Variants in NSD3 observed in about 807,000 individuals in gnomAD.
NSD3 encodes the protein histone-lysine N-methyltransferase NSD3.
NSD3 carries 24 observed loss-of-function variants against 160.8 expected under a neutral mutation model. That is an observed-to-expected ratio of 0.15 (90% CI 0.11 to 0.21). The LOEUF is 0.21. Ranked by LOEUF, NSD3 falls within the 10% of genes least tolerant of loss-of-function variation. NSD3 has a pLI of 1.00. For synonymous variants in NSD3, 520 were observed against 600.0 expected (o/e 0.87, Z 1.95); for missense variants, 1,157 against 1,735.9 (o/e 0.67, Z 5.93).
chr8:38,305,962 GCTGA>G (rs1809382613), intron 12 of NSD3, among the ~76,000 whole-genome samples: 1 of 152,036 alleles, frequency 6.6e-6, no homozygotes, highest in Non-Finnish European at 1.5e-5. Flanking sequence ...TTCAAACAGA[GCTGA>G]CTGAAAGAGA....
At chr8:38,370,994 T>C (rs1246383523) in intron 1 of NSD3, among the ~76,000 whole-genome samples, 1 of 152,030 alleles carries the variant, frequency 6.6e-6, no homozygotes, top group Non-Finnish European at 1.5e-5. Flanking sequence ...TATCCCAAAA[T>C]TGCAAACTGC....
rs189898916 is a variant in NSD3, at chr8:38,276,183, G to A, written c.4072+113C>T. On this transcript the variant is annotated intron_variant, in intron 23 of 23. Coordinates refer to ENST00000317025, the MANE Select transcript of NSD3 (RefSeq NM_023034.2). ...AAGATTTTTGCCAGCGTAATTTTTC[G>A]CTATTGTTTGTTCTATTCAACATTT... 2.8e-4 allele frequency: 338 copies of A among 1,227,192 alleles called. 2 individuals are homozygous for A. The highest frequency in any genetic ancestry group is 1.3e-4 in the Non-Finnish European group (118 of 880,350). 76.0% of individuals were successfully genotyped at this position (1,227,192 alleles called of 1,614,324 possible).
At chr8:38,368,251 C>T (rs1368504911) in intron 1 of NSD3, among the ~76,000 whole-genome samples, 1 of 152,224 alleles carries the variant, frequency 6.6e-6, no homozygotes, top group Non-Finnish European at 1.5e-5. Flanking sequence ...TGAGCCACTG[C>T]ACCAGGCAGC....
At chr8:38,330,404 T>C (rs930939651) in intron 5 of NSD3, among the ~76,000 whole-genome samples, 3 of 151,838 alleles carry the variant, frequency 2.0e-5, no homozygotes, top group Middle Eastern at 3.4e-3. Flanking sequence ...AAGGAACAAA[T>C]GAAAATTAAC....
chr8:38,345,744 T>TG (rs1483390883), intron 2 of NSD3, among the ~76,000 whole-genome samples: 1 of 148,698 alleles, frequency 6.7e-6, no homozygotes, highest in Non-Finnish European at 1.5e-5. Context: ...TGTCTCTACT[T>TG]GAAAAAAAAA....
rs1016309467 is a variant in NSD3 at position 38,381,916 on chromosome 8, G to T, written c.-162C>A. 3.3e-5 allele frequency: 5 copies of T among 153,750 alleles called. No individual in the cohort carries two copies. The highest frequency in any genetic ancestry group is 9.7e-5 in the African/African-American group (4 of 41,428). 9.5% of individuals were successfully genotyped at this position (153,750 alleles called of 1,614,324 possible). On this transcript the variant is annotated 5_prime_UTR_variant, in exon 1 of 24. Transcript: ENST00000317025. ...GCTGGGGCCGCGCGAGGAGGAGGCG[G>T]AACCGAGCTAGGCCGCATGAAATCC...
At chr8:38,376,816 C>CTT (rs1554530721) in intron 1 of NSD3, among the ~76,000 whole-genome samples, 4 of 151,798 alleles carry the variant, frequency 2.6e-5, no homozygotes, top group Non-Finnish European at 5.9e-5. Context: ...AAGCCCCAGA[C>CTT]TTCACTTCCA....
chr8:38,315,552 G>T lies in NSD3; in HGVS notation c.1987-8C>A. On this transcript the variant is annotated splice_polypyrimidine_tract_variant and splice_region_variant and intron_variant, in intron 10 of 23. Transcript: ENST00000317025. ...TTGCTTTCCAAAGCCTACCTACATA[G>T]AAAACATAGCATTTTTAAGAAAAAC... 6.2e-7 allele frequency: 1 copy of T among 1,612,132 alleles called. No homozygotes were observed. Among genetic ancestry groups the T allele is most frequent in the Non-Finnish European group, 8.5e-7 (1 of 1,179,464 alleles).
Position 38,275,776 on chromosome 8 carries a change from G to A in NSD3, c.4179C>T (p.Ala1393=), listed in dbSNP as rs545095496. 6.2e-6 allele frequency: 10 copies of A among 1,614,112 alleles called. No individual in the cohort carries two copies. The African/African-American group carries it at 1.1e-4, about 17-fold the overall frequency. ...HSFCKDHEKG[A]LVPSALEGRL... is the part of the protein sequence containing the mutation. ...GGCCTTCCAGTGCAGAGGGAACCAG[G>A]GCCCCCTTTTCATGATCTTTACAAA... The change falls in exon 24 of 24, where the codon GCC becomes GCT. Residue 1393 remains alanine (A), a synonymous_variant. Transcript: ENST00000317025.
intron 21 of NSD3, 78 bp from the exon 22 acceptor site, chr8:38,278,490 G>GA: frequency 8.4e-7 from 1 of 1,190,530 alleles, no homozygotes. Flanking sequence ...CTCCCCTAAT[G>GA]AAAAAAAGAG....
intron 19 of NSD3, among the ~76,000 whole-genome samples, chr8:38,286,006 C>T (rs1365181116): frequency 6.6e-6 from 1 of 152,198 alleles, no homozygotes; most frequent in Non-Finnish European, 1.5e-5. Flanking sequence ...GGCAGACAGA[C>T]TCTCAAGGTG....
chr8:38,304,710 C>T lies in NSD3; in HGVS notation c.2488G>A (p.Asp830Asn). Reference sequence around the variant, plus strand: ...ATGCTTCCGGCCGCAATGCAAGCATCTCCAGAGTGATAGGCAACTGGACAT... The same window carrying T: ...ATGCTTCCGGCCGCAATGCAAGCATTTCCAGAGTGATAGGCAACTGGACAT... The part of the protein sequence containing the change: ...LRCPVAYHSG[D>N]ACIAAGSMLV... Residue 830 changes from aspartate to asparagine, a missense_variant, in exon 14 of 24, where the codon GAT becomes AAT. Around this residue, in one of 10 missense-constraint regions of NSD3, gnomAD observed 437 missense variants for 576.6 expected, o/e 0.76. Transcript: ENST00000317025. 6.2e-7 allele frequency: 1 copy of T among 1,613,934 alleles called. No homozygotes were observed. Among genetic ancestry groups the T allele is most frequent in the Non-Finnish European group, 8.5e-7 (1 of 1,179,956 alleles).
intron 1 of NSD3, among the ~76,000 whole-genome samples, chr8:38,353,983 C>T (rs140012383): frequency 2.6e-5 from 4 of 152,336 alleles, no homozygotes; most frequent in South Asian, 2.1e-4. Context: ...CGCTAAAGGT[C>T]ATTAGTCCAA....
At chr8:38,320,911 G>A in intron 8 of NSD3, 161 bp downstream of exon 8, 1 of 559,276 alleles carries the variant, frequency 1.8e-6, no homozygotes, top group Non-Finnish European at 3.1e-6. Context: ...AGGGATGGCT[G>A]TATTAAAACT....
intron 4 of NSD3, among the ~76,000 whole-genome samples, chr8:38,332,364 T>C (rs1257135531): frequency 6.6e-6 from 1 of 152,230 alleles, no homozygotes; most frequent in Non-Finnish European, 1.5e-5. Flanking sequence ...CTTGAACTCC[T>C]GGGCTCAAGC....
chr8:38,356,178 T>C (rs896773019), intron 1 of NSD3, among the ~76,000 whole-genome samples: 1 of 152,204 alleles, frequency 6.6e-6, no homozygotes, highest in African/African-American at 2.4e-5. Flanking sequence ...AAATTCATCC[T>C]CTGAACAATG....
At chr8:38,292,036 T>G (rs1349269491) in intron 16 of NSD3, among the ~76,000 whole-genome samples, 1 of 152,228 alleles carries the variant, frequency 6.6e-6, no homozygotes, top group Non-Finnish European at 1.5e-5. Flanking sequence ...TAATTAAAAT[T>G]TAAGTGTTAA....
intron 5 of NSD3, among the ~76,000 whole-genome samples, chr8:38,331,037 A>T (rs560737196): frequency 1.9e-4 from 29 of 152,354 alleles, no homozygotes; most frequent in Admixed American, 1.4e-3. Context: ...AAATATTTTT[A>T]AAAGTTTACT....
At chr8:38,355,304 A>G (rs762558519) in intron 1 of NSD3, among the ~76,000 whole-genome samples, 1 of 152,100 alleles carries the variant, frequency 6.6e-6, no homozygotes, top group Admixed American at 6.5e-5. Flanking sequence ...GAGTTAATCC[A>G]TGAACAGCAC....
Sources: gnomAD v4.1 joint callset for allele counts (sites outside exome capture counted in the v4.1 genomes callset) on GRCh38, gnomAD v4.1.1 for gene constraint, gnomAD v4.1.1 regional missense constraint, MANE v1.5 for transcripts, NCBI Gene and HGNC (gene_info 2026-07-23, HGNC 2026-07-21) for gene names.